Variants in DNAH12 observed in about 807,000 individuals in gnomAD.
DNAH12 encodes the protein dynein axonemal heavy chain 12.
Under a neutral mutation model 371.5 loss-of-function variants are expected in DNAH12, and 285 were observed. The ratio of observed to expected loss-of-function variants is 0.77; its 90% CI spans 0.70 to 0.85. The LOEUF (loss-of-function observed/expected upper bound fraction) is 0.85, where lower values mean the gene tolerates loss of function less well. Ranked by LOEUF, DNAH12 falls within the 40% of genes least tolerant of loss-of-function variation. The pLI is 0.00. For synonymous variants in DNAH12, 1,200 were observed against 1,213.0 expected (o/e 0.99, Z 0.22); for missense variants, 3,611 against 3,689.4 (o/e 0.98, Z 0.55).
intron 55 of DNAH12, among the ~76,000 whole-genome samples, chr3:57,374,209 C>A (rs2063234931): frequency 6.6e-6 from 1 of 152,056 alleles, no homozygotes; most frequent in Non-Finnish European, 1.5e-5. Flanking sequence ...TTTAAAATTA[C>A]TAAATCATTC....
chr3:57,296,488 A>C (rs2061236222), intron 71 of DNAH12, 53 bp from the exon 72 acceptor site: 2,373 of 1,293,654 alleles, frequency 1.8e-3, no homozygotes, highest in Non-Finnish European at 2.3e-3. Flanking sequence ...ACTTCATCTC[A>C]TAAAGAACAC....
chr3:57,305,061 C>T (rs1256803643), intron 69 of DNAH12, among the ~76,000 whole-genome samples: 1 of 152,148 alleles, frequency 6.6e-6, no homozygotes, highest in Non-Finnish European at 1.5e-5. Flanking sequence ...GACCCCAATA[C>T]AAACTCGACA....
chr3:57,316,508 G>A (rs771902918), intron 65 of DNAH12, among the ~76,000 whole-genome samples: 5 of 152,030 alleles, frequency 3.3e-5, no homozygotes, highest in Non-Finnish European at 5.9e-5. Flanking sequence ...ACACACAAAT[G>A]GAAAGAGTCA....
chr3:57,451,481 T>C (rs1273682856), intron 25 of DNAH12, among the ~76,000 whole-genome samples: 1 of 152,018 alleles, frequency 6.6e-6, no homozygotes, highest in Non-Finnish European at 1.5e-5. Context: ...ACTAAAAAAA[T>C]ACAAAAATTA....
At chr3:57,443,971 A>T (rs911136537) in intron 29 of DNAH12, among the ~76,000 whole-genome samples, 2 of 152,174 alleles carry the variant, frequency 1.3e-5, no homozygotes, top group African/African-American at 4.8e-5. Context: ...TGGGAGGCCA[A>T]GTCTGGCAGA....
intron 34 of DNAH12, among the ~76,000 whole-genome samples, chr3:57,427,138 A>ATGTGATGTGTGTGTGTGTGTGTGTG (rs564544771): frequency 7.2e-6 from 1 of 138,782 alleles, no homozygotes; most frequent in African/African-American, 2.8e-5. Context: ...TAAGAAGCGA[A>ATGTGATGTGTGTGTGTGTGTGTGTG]TGTGTGTGTG....
At chr3:57,554,951 G>A in the DNAH12 span, among the ~76,000 whole-genome samples, 1 of 152,112 alleles carries the variant, frequency 6.6e-6, no homozygotes, top group East Asian at 1.9e-4. Context: ...GCAATAAAGT[G>A]CACGATTCCT....
intron 39 of DNAH12, among the ~76,000 whole-genome samples, chr3:57,411,737 T>C (rs1351307452): frequency 6.6e-6 from 1 of 152,084 alleles, no homozygotes; most frequent in Non-Finnish European, 1.5e-5. Flanking sequence ...AACAATATTA[T>C]GAAGATGACA....
chr3:57,408,250 T>C, intron 40 of DNAH12, 30 bp downstream of exon 40: 2 of 1,488,412 alleles, frequency 1.3e-6, no homozygotes, highest in Middle Eastern at 1.8e-4. Flanking sequence ...TATGTAATAC[T>C]AAAACATTTA....
chr3:57,510,768 G>T (rs1192707930), intron 5 of DNAH12, 22 bp downstream of exon 5: 3 of 1,607,112 alleles, frequency 1.9e-6, no homozygotes, highest in Non-Finnish European at 2.5e-6. Context: ...AAGAAGCCTG[G>T]TGTGTGTTAG....
chr3:57,306,973 C>T (rs1470741568), intron 69 of DNAH12, among the ~76,000 whole-genome samples: 3 of 152,168 alleles, frequency 2.0e-5, no homozygotes, highest in Non-Finnish European at 4.4e-5. Context: ...TTCATCCCAG[C>T]CTCTCTTCGC....
Position 57,445,334 on chromosome 3 carries a change from G to A in DNAH12, c.4265C>T (p.Ala1422Val), listed in dbSNP as rs774084260. 1 of 1,551,548 alleles carries A rather than the reference G, an allele frequency of 6.4e-7. No individual in the cohort carries two copies. Among genetic ancestry groups the A allele is most frequent in the South Asian group, 1.2e-5 (1 of 84,012 alleles). Reference sequence around the variant, plus strand: ...TACTATTTTCACAGACAGAGGTCTTGCATTCAAAAATCCGTAAGAGTAGAG... The same window carrying A: ...TACTATTTTCACAGACAGAGGTCTTACATTCAAAAATCCGTAAGAGTAGAG... ...ISLYSYGFLN[A>V]RPLSVKIVMT... is the part of the protein sequence containing the mutation. The change falls in exon 28 of 74, where the codon GCA (alanine) becomes GTA (valine). Residue 1422 changes from alanine (A) to valine (V), a missense_variant. Ala to Val is a moderately conservative substitution (Grantham distance 64). Transcript: ENST00000495027.
chr3:57,393,648 A>AAAAG (rs2063675890), intron 44 of DNAH12, among the ~76,000 whole-genome samples: 14 of 140,492 alleles, frequency 1.0e-4, no homozygotes, highest in South Asian at 2.2e-4. Flanking sequence ...AAAAAAAAAA[A>AAAAG]AAAGAAAGAA....
rs1553680840 is a variant in DNAH12 at position 57,405,635 on chromosome 3, C to T, written c.6576+18G>A. The T allele has an allele frequency of 6.5e-7, 1 of 1,545,310 alleles. No homozygotes were observed. The highest frequency in any genetic ancestry group is 2.0e-5 in the Admixed American group (1 of 50,702). ...TGGTACTGCTTTAACTCAATATGTT[C>T]TTAATCGCCATACTCACTGGTGCAT... On this transcript the variant is annotated intron_variant, in intron 41 of 73. Transcript: ENST00000495027.
At chr3:57,494,819 G>A (rs1421149267) in intron 11 of DNAH12, among the ~76,000 whole-genome samples, 1 of 151,922 alleles carries the variant, frequency 6.6e-6, no homozygotes, top group Non-Finnish European at 1.5e-5. Context: ...GATCAGCCTA[G>A]GCAACATGGT....
Position 57,398,621 on chromosome 3 carries a change from C to T in DNAH12, c.6949-4289G>A, listed in dbSNP as rs2063792947. On this transcript the variant is annotated intron_variant, in intron 43 of 73. Coordinates refer to ENST00000495027, the MANE Select transcript of DNAH12 (RefSeq NM_001366028.2). ...AGTGAATTTCTCAGCACAAATTTTA[C>T]AGACCAGAAGGAAGTAAGGTGACAT... 5.3e-5 allele frequency among the ~76,000 whole-genome samples: 8 copies of T among 152,292 alleles called. 1 individual carries two copies. The highest frequency in any genetic ancestry group is 1.9e-4 in the African/African-American group (8 of 41,552).
chr3:57,504,361 CTA>C (rs920529480), intron 8 of DNAH12, among the ~76,000 whole-genome samples, 157 bp from the exon 9 acceptor site: 6 of 151,896 alleles, frequency 4.0e-5, no homozygotes, highest in Non-Finnish European at 7.4e-5. Flanking sequence ...ATTCAGCATA[CTA>C]TATATATGTG....
chr3:57,476,303 T>G (rs924797022), intron 13 of DNAH12, among the ~76,000 whole-genome samples: 1 of 152,156 alleles, frequency 6.6e-6, no homozygotes, highest in African/African-American at 2.4e-5. Flanking sequence ...CAGTGGCTCA[T>G]GCCTGTAATC....
At chr3:57,396,228 G>C (rs1196945448) in intron 43 of DNAH12, among the ~76,000 whole-genome samples, 6 of 140,868 alleles carry the variant, frequency 4.3e-5, no homozygotes, top group Non-Finnish European at 7.5e-5. Context: ...CAGTGAGCCA[G>C]GATTGTGTCA....
Sources: allele counts gnomAD v4.1 joint callset (sites outside exome capture counted in the v4.1 genomes callset), GRCh38; gene constraint gnomAD v4.1.1; transcripts MANE v1.5; gene names NCBI Gene and HGNC (gene_info 2026-07-23, HGNC 2026-07-21).